The following MACROD2 variants were observed in gnomAD, a reference collection of about 807,000 sequenced individuals.
MACROD2 encodes the protein ADP-ribose glycohydrolase MACROD2.
A neutral mutation model predicts 70.4 loss-of-function variants in MACROD2; 36 were observed. The observed-to-expected ratio is 0.51, with a 90% CI of 0.39 to 0.68. The LOEUF is 0.68. Ranked by LOEUF, MACROD2 falls within the 30% of genes least tolerant of loss-of-function variation. MACROD2 has a pLI of 0.00. For synonymous variants in MACROD2, 172 were observed against 178.8 expected (o/e 0.96, Z 0.30); for missense variants, 496 against 538.4 (o/e 0.92, Z 0.78).
intron 7 of MACROD2, 125 bp downstream of exon 7, chr20:15,431,560 C>G: frequency 1.2e-6 from 1 of 831,614 alleles, no homozygotes; most frequent in African/African-American, 1.7e-5. Flanking sequence ...ACTAAAAATG[C>G]TCGTCAAATC....
chr20:15,180,382 G>C (rs1160373608), intron 5 of MACROD2, among the ~76,000 whole-genome samples: 2 of 152,184 alleles, frequency 1.3e-5, no homozygotes, highest in Non-Finnish European at 2.9e-5. Context: ...GCTAATTATG[G>C]TGCCTGTGCA....
At position 15,452,791 on chromosome 20, in the gene MACROD2, G is replaced by T. The variant is rs139036473; in HGVS notation, c.571+21356G>T. 3.1e-4 allele frequency among the ~76,000 whole-genome samples: 47 copies of T among 152,206 alleles called. No homozygotes were observed. In the East Asian group the frequency reaches 8.9e-3, roughly 29 times the overall value. Reference sequence around the variant, plus strand: ...ATATTATTATTCAGACTGTATAACTGAATAGCATCAGTTTCTCTAAGTTTT... The same window carrying T: ...ATATTATTATTCAGACTGTATAACTTAATAGCATCAGTTTCTCTAAGTTTT... On this transcript the variant is annotated intron_variant, in intron 7 of 17. Coordinates refer to ENST00000684519, the MANE Select transcript of MACROD2 (RefSeq NM_001351661.2).
At chr20:15,794,125 G>T (rs1380620166) in intron 8 of MACROD2, among the ~76,000 whole-genome samples, 1 of 151,806 alleles carries the variant, frequency 6.6e-6, no homozygotes, top group Non-Finnish European at 1.5e-5. Context: ...TTGTATTTCT[G>T]TTAATACAGC....
chr20:14,965,766 C>A lies in MACROD2; in HGVS notation c.419-264174C>A, dbSNP rs187327094. Among the ~76,000 whole-genome samples, 287 of 151,996 alleles carry A rather than the reference C, an allele frequency of 1.9e-3. 1 individual carries two copies. Among genetic ancestry groups the A allele is most frequent in the Non-Finnish European group, 3.7e-3 (249 of 67,960 alleles). On this transcript the variant is annotated intron_variant, in intron 5 of 17. Transcript: ENST00000684519. ...TACGGGCGTGAGCCACCGCACCTGG[C>A]CTTAATATATATTTTTATAACTTCA...
chr20:15,590,724 C>G (rs1288498132), intron 8 of MACROD2, among the ~76,000 whole-genome samples: 1 of 151,932 alleles, frequency 6.6e-6, no homozygotes, highest in Non-Finnish European at 1.5e-5. Flanking sequence ...CTCTACAATA[C>G]AACAATTAGC....
chr20:15,481,341 T>A (rs950004769), intron 7 of MACROD2, among the ~76,000 whole-genome samples: 1 of 152,238 alleles, frequency 6.6e-6, no homozygotes, highest in Non-Finnish European at 1.5e-5. Flanking sequence ...TGGAAATGAC[T>A]GAATGACTGA....
intron 5 of MACROD2, among the ~76,000 whole-genome samples, chr20:14,872,850 T>A (rs2073504623): frequency 6.6e-6 from 1 of 152,088 alleles, no homozygotes; most frequent in South Asian, 2.1e-4. Context: ...CTCAGGGAAC[T>A]TACAATCATG....
intron 8 of MACROD2, among the ~76,000 whole-genome samples, chr20:15,570,774 C>A (rs2048366990): frequency 6.6e-6 from 1 of 152,060 alleles, no homozygotes; most frequent in Non-Finnish European, 1.5e-5. Context: ...CGAATTGGAC[C>A]AATTTAGGTC....
At chr20:14,238,139 G>A (rs1039252682) in intron 3 of MACROD2, among the ~76,000 whole-genome samples, 1 of 152,138 alleles carries the variant, frequency 6.6e-6, no homozygotes, top group Non-Finnish European at 1.5e-5. Context: ...CACAATGGTT[G>A]AACTAGTTTA....
rs141334601 is a variant in MACROD2 at position 15,021,284 on chromosome 20, C to A, written c.419-208656C>A. Among the ~76,000 whole-genome samples the A allele has an allele frequency of 2.1e-3, 203 of 98,420 alleles. 24 individuals carry two copies. Among genetic ancestry groups the A allele is most frequent in the Admixed American group, 0.014 (141 of 9,962 alleles). The allele number at this position is 98,420 out of a possible 152,430, so 64.6% of individuals were successfully genotyped here. A position where few individuals can be genotyped will look rare whatever the true frequency, so the allele number is the denominator to read the frequency against. On this transcript the variant is annotated intron_variant, in intron 5 of 17. Transcript: ENST00000684519. ...CACCTGTGTGTGTGTATACGCACACCTGTGTGTGTGTATATGCACATATAC... is the reference window on the plus strand; with the variant it reads ...CACCTGTGTGTGTGTATACGCACACATGTGTGTGTGTATATGCACATATAC...
intron 3 of MACROD2, among the ~76,000 whole-genome samples, chr20:14,112,244 G>T (rs975996684): frequency 6.6e-6 from 1 of 151,838 alleles, no homozygotes; most frequent in African/African-American, 2.4e-5. Flanking sequence ...GGGTAAGTGG[G>T]GATGGTTAAT....
intron 3 of MACROD2, among the ~76,000 whole-genome samples, chr20:14,257,961 C>A (rs975951705): frequency 5.9e-5 from 9 of 152,126 alleles, no homozygotes; most frequent in Non-Finnish European, 1.2e-4. Flanking sequence ...GCTTGGCTCC[C>A]ATTTAAAATT....
At chr20:14,930,432 C>A (rs2074283501) in intron 5 of MACROD2, among the ~76,000 whole-genome samples, 1 of 151,458 alleles carries the variant, frequency 6.6e-6, no homozygotes, top group Admixed American at 6.6e-5. Flanking sequence ...TGAGTGTAGA[C>A]TCTGGAGTTC....
chr20:15,192,576 C>T (rs1302003576), intron 5 of MACROD2, among the ~76,000 whole-genome samples: 1 of 152,176 alleles, frequency 6.6e-6, no homozygotes, highest in African/African-American at 2.4e-5. Context: ...GCCTCCAGTG[C>T]CAGGCATCCT....
chr20:15,383,303 G>A (rs1403793740), intron 6 of MACROD2, among the ~76,000 whole-genome samples: 1 of 152,206 alleles, frequency 6.6e-6, no homozygotes, highest in East Asian at 1.9e-4. Flanking sequence ...GTTTGCCAGA[G>A]TTGTCTAAGA....
At chr20:15,567,023 T>A (rs2146617962) in intron 8 of MACROD2, among the ~76,000 whole-genome samples, 1 of 151,906 alleles carries the variant, frequency 6.6e-6, no homozygotes, top group Middle Eastern at 3.5e-3. Flanking sequence ...TTTTTTGTAT[T>A]TTACTAAGCA....
At chr20:15,933,604 G>A (rs1433034560) in intron 11 of MACROD2, among the ~76,000 whole-genome samples, 1 of 152,192 alleles carries the variant, frequency 6.6e-6, no homozygotes, top group African/African-American at 2.4e-5. Context: ...AGAGGGACGG[G>A]CGGAGGTTGA....
At chr20:15,650,056 C>G (rs1446174116) in intron 8 of MACROD2, among the ~76,000 whole-genome samples, 1 of 152,056 alleles carries the variant, frequency 6.6e-6, no homozygotes, top group African/African-American at 2.4e-5. Flanking sequence ...AATAGCTTCC[C>G]TTAAATTCTA....
intron 4 of MACROD2, among the ~76,000 whole-genome samples, chr20:14,559,086 G>A (rs1209801273): frequency 6.6e-6 from 1 of 151,660 alleles, no homozygotes; most frequent in Admixed American, 6.6e-5. Flanking sequence ...AAATGAATGA[G>A]AAGATCTCTA....
Sources: allele counts gnomAD v4.1 joint callset (sites outside exome capture counted in the v4.1 genomes callset), GRCh38; gene constraint gnomAD v4.1.1; transcripts MANE v1.5; gene names NCBI Gene and HGNC (gene_info 2026-07-23, HGNC 2026-07-21).